Variants in ASCC1 observed in about 807,000 individuals in gnomAD.
The protein encoded by ASCC1 is activating signal cointegrator 1 complex subunit 1, also known as ASC-1 complex subunit P50.
In ASCC1, 35 loss-of-function variants were observed where a neutral mutation model predicts 46.6. The observed-to-expected ratio is 0.75, with a 90% confidence interval of 0.57 to 0.99. The LOEUF is 0.99. Ranked by LOEUF, ASCC1 falls within the 50% of genes least tolerant of loss-of-function variation. The pLI is 0.00. For missense variants in ASCC1, 376 were observed against 428.7 expected, an observed-to-expected ratio of 0.88 and a Z score of 1.09; for synonymous variants, 143 against 146.6, an observed-to-expected ratio of 0.98 and a Z score of 0.18.
chr10:72,107,273 T>A (rs909735488), intron 9 of ASCC1, among the ~76,000 whole-genome samples: 1 of 149,566 alleles, frequency 6.7e-6, no homozygotes, highest in African/African-American at 2.5e-5. Context: ...AGTTAAGTCA[T>A]CAAAAAGAAT....
chr10:72,159,731 G>T (rs1014737834), intron 6 of ASCC1, among the ~76,000 whole-genome samples: 1 of 152,030 alleles, frequency 6.6e-6, no homozygotes, highest in Non-Finnish European at 1.5e-5. Flanking sequence ...AGATATGTCC[G>T]TTACTGAGCA....
At chr10:72,166,137 T>C (rs1263606653) in intron 5 of ASCC1, among the ~76,000 whole-genome samples, 2 of 152,172 alleles carry the variant, frequency 1.3e-5, no homozygotes, top group Non-Finnish European at 2.9e-5. Context: ...ATTATATACA[T>C]AGCCTTCCTA....
At chr10:72,102,230 T>G in intron 9 of ASCC1, 14 of 980,664 alleles carry the variant, frequency 1.4e-5, no homozygotes, top group Non-Finnish European at 1.9e-5. Flanking sequence ...AATGGGTGTA[T>G]ATGAGGCTGC....
intron 5 of ASCC1, among the ~76,000 whole-genome samples, chr10:72,184,935 TCAA>T (rs1853238056): frequency 6.6e-6 from 1 of 151,928 alleles, no homozygotes; most frequent in African/African-American, 2.4e-5. Flanking sequence ...TAAAATACCA[TCAA>T]CAACAACAAA....
At chr10:72,185,614 A>T (rs998952083) in intron 5 of ASCC1, among the ~76,000 whole-genome samples, 5 of 152,196 alleles carry the variant, frequency 3.3e-5, no homozygotes, top group Non-Finnish European at 7.3e-5. Context: ...TAATAGCAAC[A>T]CAAAATAGAT....
intron 9 of ASCC1, among the ~76,000 whole-genome samples, chr10:72,104,084 TTCCTC>T (rs1842091336): frequency 1.3e-5 from 2 of 152,154 alleles, no homozygotes; most frequent in Non-Finnish European, 1.5e-5. Flanking sequence ...GAAGAAATCT[TTCCTC>T]TCCTACAAAA....
chr10:72,194,723 TTTTTG>T (rs1242517327), intron 5 of ASCC1, among the ~76,000 whole-genome samples: 4 of 151,972 alleles, frequency 2.6e-5, no homozygotes, highest in Non-Finnish European at 4.4e-5. Flanking sequence ...TGAAATCAGA[TTTTTG>T]TTTTGTTTTG....
intron 4 of ASCC1, chr10:72,198,811 T>C: frequency 2.5e-6 from 1 of 393,320 alleles, no homozygotes; most frequent in South Asian, 1.9e-5. Context: ...ACAAGATCAA[T>C]AAGCCAGTTT....
At chr10:72,160,939 C>T (rs576470733) in intron 6 of ASCC1, among the ~76,000 whole-genome samples, 1 of 151,702 alleles carries the variant, frequency 6.6e-6, no homozygotes, top group South Asian at 2.1e-4. Context: ...AAAAATTAGC[C>T]GGACGCGGTG....
chr10:72,185,911 T>C (rs1853385190), intron 5 of ASCC1, among the ~76,000 whole-genome samples: 1 of 152,118 alleles, frequency 6.6e-6, no homozygotes, highest in South Asian at 2.1e-4. Flanking sequence ...ATTCTACCTC[T>C]TAGAATTTAT....
intron 7 of ASCC1, among the ~76,000 whole-genome samples, chr10:72,146,335 C>G (rs1847624329): frequency 6.6e-6 from 1 of 152,088 alleles, no homozygotes; most frequent in Non-Finnish European, 1.5e-5. Context: ...GCAGAATAAC[C>G]GAGGGTGTCA....
At chr10:72,109,574 C>T (rs185462922) in intron 9 of ASCC1, among the ~76,000 whole-genome samples, 2 of 152,178 alleles carry the variant, frequency 1.3e-5, no homozygotes, top group Admixed American at 6.5e-5. Flanking sequence ...CAAATAATCA[C>T]TCAGGGATGC....
intron 9 of ASCC1, among the ~76,000 whole-genome samples, chr10:72,114,349 G>T (rs567947151): frequency 2.6e-5 from 4 of 152,306 alleles, no homozygotes; most frequent in African/African-American, 9.6e-5. Context: ...TAAATGGCTG[G>T]GCGTGGTGGC....
At chr10:72,137,069 C>T (rs377414338) in intron 7 of ASCC1, among the ~76,000 whole-genome samples, 3 of 152,046 alleles carry the variant, frequency 2.0e-5, no homozygotes, top group African/African-American at 7.2e-5. Context: ...ACCACCATGC[C>T]CAGCTAATTT....
intron 7 of ASCC1, chr10:72,134,481 A>G (rs1490009285): frequency 6.6e-6 from 1 of 152,272 alleles, no homozygotes; most frequent in African/African-American, 2.4e-5. Flanking sequence ...TCGGTTTCCT[A>G]TGGTCTTCCA....
At chr10:72,189,008 G>A (rs188146476) in intron 5 of ASCC1, among the ~76,000 whole-genome samples, 8 of 152,006 alleles carry the variant, frequency 5.3e-5, no homozygotes, top group Admixed American at 2.6e-4. Context: ...CTCCAGCCTC[G>A]GCCTCCCAAA....
chr10:72,139,702 T>C (rs1211795512), intron 7 of ASCC1, among the ~76,000 whole-genome samples: 1 of 152,134 alleles, frequency 6.6e-6, no homozygotes, highest in African/African-American at 2.4e-5. Flanking sequence ...AAATAAGGAG[T>C]TTGTGCTGCA....
chr10:72,155,634 T>C (rs1193311880), intron 6 of ASCC1, among the ~76,000 whole-genome samples: 2 of 152,200 alleles, frequency 1.3e-5, no homozygotes, highest in East Asian at 3.9e-4. Flanking sequence ...GATTACAAAA[T>C]GATATTTTAT....
At chr10:72,136,244 G>A (rs1283308630) in intron 7 of ASCC1, among the ~76,000 whole-genome samples, 1 of 152,100 alleles carries the variant, frequency 6.6e-6, no homozygotes, top group Non-Finnish European at 1.5e-5. Flanking sequence ...TGCCTAGCTA[G>A]AGGATTGTAA....
Sources: gnomAD v4.1 joint callset for allele counts (sites outside exome capture counted in the v4.1 genomes callset) on GRCh38, gnomAD v4.1.1 for gene constraint, MANE v1.5 for transcripts, NCBI Gene and HGNC (gene_info 2026-07-23, HGNC 2026-07-21) for gene names.